The following OMA1 variants were observed in gnomAD, a reference collection of about 807,000 sequenced individuals.
OMA1 encodes the protein metalloendopeptidase OMA1, mitochondrial.
Under a neutral mutation model 30.9 loss-of-function variants are expected in OMA1, and 38 were observed. That is an observed-to-expected ratio of 1.23 (90% CI 0.95 to 1.61). The LOEUF (loss-of-function observed/expected upper bound fraction) is 1.61. Among genes scored for constraint, OMA1 ranks in the 40% most tolerant of loss-of-function variants. The pLI is 0.00. For synonymous variants in OMA1, 173 were observed against 121.9 expected (o/e 1.42, Z -2.76); for missense variants, 461 against 349.2 (o/e 1.32, Z -2.55).
intron 5 of OMA1, 30 bp from the exon 6 acceptor site, chr1:58,530,759 A>C (rs749671429): frequency 1.2e-6 from 1 of 862,660 alleles, no homozygotes; most frequent in African/African-American, 1.6e-5. Flanking sequence ...TAAAAACTAC[A>C]TTTTATACAT....
chr1:58,506,266 AACT>A (rs1645988603), intron 7 of OMA1, 57 bp from the exon 8 acceptor site: 1 of 788,456 alleles, frequency 1.3e-6, no homozygotes, highest in African/African-American at 1.7e-5. Context: ...ATTTTTTAAA[AACT>A]ACTACTTTAT....
intron 8 of OMA1, among the ~76,000 whole-genome samples, chr1:58,491,215 C>G (rs1042093611): frequency 1.1e-4 from 16 of 152,122 alleles, no homozygotes; most frequent in African/African-American, 3.4e-4. Context: ...AGCAAATGCT[C>G]AGAGATTTTG....
chr1:58,507,717 A>C (rs1234828675), intron 7 of OMA1, among the ~76,000 whole-genome samples: 1 of 152,136 alleles, frequency 6.6e-6, no homozygotes, highest in Non-Finnish European at 1.5e-5. Context: ...ATATGTATGT[A>C]ACATATGTAT....
intron 8 of OMA1, among the ~76,000 whole-genome samples, chr1:58,504,109 A>T (rs1023427840): frequency 6.6e-6 from 1 of 152,188 alleles, no homozygotes; most frequent in Non-Finnish European, 1.5e-5. Context: ...AATGCCAGTG[A>T]TCACAATAAA....
At chr1:58,509,481 G>A (rs1262696430) in intron 7 of OMA1, among the ~76,000 whole-genome samples, 2 of 149,778 alleles carry the variant, frequency 1.3e-5, no homozygotes. Context: ...CAAAACTGAT[G>A]GGATACAGCA....
At chr1:58,512,153 T>G (rs926853508) in intron 7 of OMA1, among the ~76,000 whole-genome samples, 5 of 152,078 alleles carry the variant, frequency 3.3e-5, no homozygotes, top group African/African-American at 1.2e-4. Flanking sequence ...AGAAAAAATG[T>G]TCAATATCAC....
Position 58,527,346 on chromosome 1 carries a change from A to G in OMA1, c.1141-11T>C. On this transcript the variant is annotated splice_polypyrimidine_tract_variant and intron_variant, in intron 6 of 8. Coordinates refer to ENST00000371226, the MANE Select transcript of OMA1 (RefSeq NM_145243.5). ...TCTATTAAACATATACTAAGAAGAA[A>G]TGACAGAAAAGCTCCATTAAGACAA... is the stretch of plus-strand genomic sequence containing the variant. 3.4e-6 allele frequency: 3 copies of G among 870,928 alleles called. No individual in the cohort carries two copies. In the South Asian group the frequency reaches 3.9e-5, roughly 11 times the overall value. 54.0% of individuals were successfully genotyped at this position (870,928 alleles called of 1,614,324 possible).
intron 7 of OMA1, among the ~76,000 whole-genome samples, chr1:58,520,310 A>C (rs1375583003): frequency 6.6e-6 from 1 of 152,208 alleles, no homozygotes; most frequent in Non-Finnish European, 1.5e-5. Context: ...TGCAAGACAC[A>C]TATCTGACAA....
intron 3 of OMA1, among the ~76,000 whole-genome samples, chr1:58,535,443 A>T (rs6587828): frequency 6.6e-6 from 1 of 151,708 alleles, no homozygotes; most frequent in Non-Finnish European, 1.5e-5. Context: ...TAAAAATACA[A>T]AAATTGGCCA....
intron 8 of OMA1, among the ~76,000 whole-genome samples, chr1:58,492,879 C>A (rs1475728137): frequency 6.6e-6 from 1 of 152,266 alleles, no homozygotes; most frequent in Non-Finnish European, 1.5e-5. Flanking sequence ...CTATTCCAAT[C>A]AACAGAAAAA....
intron 8 of OMA1, among the ~76,000 whole-genome samples, chr1:58,484,191 T>G (rs1252712096): frequency 6.6e-6 from 1 of 152,224 alleles, no homozygotes; most frequent in Non-Finnish European, 1.5e-5. Flanking sequence ...GTAATTTACT[T>G]TGTATTTCTC....
Position 58,534,241 on chromosome 1 carries a change from T to C in OMA1, c.820A>G (p.Asn274Asp), listed in dbSNP as rs536806050. The change falls in exon 4 of 9, where the codon AAT (asparagine) becomes GAT (aspartate). Residue 274 changes from asparagine to aspartate, a missense_variant. Asn to Asp is a conservative substitution (Grantham distance 23). Coordinates refer to ENST00000371226, the MANE Select transcript of OMA1 (RefSeq NM_145243.5). ...TGAGAGATCCCTGGAACATCTTTAT[T>C]GCATTCAATTAGATGACAAAGCACT... ...KEVLCHLIECNKDVPGISQIN... is the reference protein window; with the variant it reads ...KEVLCHLIECDKDVPGISQIN... 1.1e-6 allele frequency: 1 copy of C among 872,018 alleles called. No individual in the cohort carries two copies. The highest frequency in any genetic ancestry group is 1.7e-5 in the Admixed American group (1 of 58,892). The allele number at this position is 872,018 out of a possible 1,614,324, so 54.0% of individuals were successfully genotyped here.
chr1:58,518,203 G>A (rs1646188697), intron 7 of OMA1, among the ~76,000 whole-genome samples: 2 of 2,612 alleles, frequency 7.7e-4, no homozygotes, highest in South Asian at 0.024. Flanking sequence ...AAGAGGAGAG[G>A]GGAGAGGGGA....
At chr1:58,540,993 G>C (rs1646598246) in intron 1 of OMA1, among the ~76,000 whole-genome samples, 1 of 151,990 alleles carries the variant, frequency 6.6e-6, no homozygotes, top group Non-Finnish European at 1.5e-5. Context: ...GACATCTTAG[G>C]TGAACTGTAT....
chr1:58,506,280 T>C, intron 7 of OMA1, 71 bp from the exon 8 acceptor site: 1 of 720,620 alleles, frequency 1.4e-6, no homozygotes. Flanking sequence ...ACTACTTTAT[T>C]TTTTTTTAAT....
intron 8 of OMA1, among the ~76,000 whole-genome samples, chr1:58,493,754 A>C (rs1458211255): frequency 1.8e-4 from 27 of 152,106 alleles, no homozygotes; most frequent in East Asian, 5.8e-4. Context: ...ACCACTGCTC[A>C]AGGAAATAAA....
chr1:58,482,519 TA>T (rs1417488971), intron 8 of OMA1, among the ~76,000 whole-genome samples: 2 of 152,194 alleles, frequency 1.3e-5, no homozygotes, highest in South Asian at 4.1e-4. Flanking sequence ...GAAAGACATT[TA>T]GGGGAAAAAG....
chr1:58,515,908 C>T (rs918433699), intron 7 of OMA1, among the ~76,000 whole-genome samples: 7 of 152,150 alleles, frequency 4.6e-5, no homozygotes, highest in Non-Finnish European at 7.4e-5. Context: ...CTACAAGGTA[C>T]TATTTTAAAT....
intron 1 of OMA1, among the ~76,000 whole-genome samples, chr1:58,544,413 A>G (rs961005676): frequency 1.3e-5 from 2 of 152,246 alleles, no homozygotes; most frequent in Non-Finnish European, 2.9e-5. Flanking sequence ...AGTATATACA[A>G]AAATAAATCT....
Sources: gnomAD v4.1 joint callset for allele counts (sites outside exome capture counted in the v4.1 genomes callset) on GRCh38, gnomAD v4.1.1 for gene constraint, MANE v1.5 for transcripts, NCBI Gene and HGNC (gene_info 2026-07-23, HGNC 2026-07-21) for gene names.